C2CD3: variants seen among roughly 807,000 people sequenced by gnomAD.
C2CD3 encodes the protein C2 domain-containing protein 3.
A neutral mutation model predicts 234.0 loss-of-function variants in C2CD3; 148 were observed. The ratio of observed to expected loss-of-function variants is 0.63; its 90% CI spans 0.55 to 0.72. The LOEUF is 0.72. C2CD3 is among the 30% of genes least tolerant of loss of function. The pLI, the probability that C2CD3 is intolerant of heterozygous loss-of-function variation, is 0.00. For synonymous variants in C2CD3, 1,000 were observed against 1,035.4 expected (o/e 0.97, Z 0.66); for missense variants, 2,577 against 2,811.5 (o/e 0.92, Z 1.89).
intron 7 of C2CD3, among the ~76,000 whole-genome samples, chr11:74,124,009 G>A (rs1044626893): frequency 6.6e-6 from 1 of 152,062 alleles, no homozygotes; most frequent in Non-Finnish European, 1.5e-5. Flanking sequence ...GGGATTACTG[G>A]TCCCTTTTTT....
intron 28 of C2CD3, among the ~76,000 whole-genome samples, chr11:74,047,086 G>A (rs573566273): frequency 6.6e-5 from 10 of 152,338 alleles, no homozygotes; most frequent in Admixed American, 2.0e-4. Flanking sequence ...CATGTAACTA[G>A]TAAGTGGTAA....
At position 74,034,274 on chromosome 11, in the gene C2CD3, C is replaced by T. The variant is rs929612760; in HGVS notation, c.5886G>A (p.Leu1962=). ...CTTGCGAATCCCTGGTGATAGTCTG[C>T]AGATCTGAACAGCAACACATATCAC... is the stretch of plus-strand genomic sequence containing the variant. ...VLQVSSLITD[L]QTITRDSQAA... is the part of the protein sequence containing the mutation. Residue 1962 remains leucine (L), a synonymous_variant, in exon 31 of 33, where the codon CTG becomes CTA. Transcript: ENST00000334126. 8 of 1,534,040 alleles carry T rather than the reference C, an allele frequency of 5.2e-6. No homozygotes were observed. The highest frequency in any genetic ancestry group is 2.0e-5 in the Admixed American group (1 of 50,890).
intron 32 of C2CD3, 61 bp downstream of exon 32, chr11:74,028,226 C>T (rs1952382712): frequency 8.1e-7 from 1 of 1,231,130 alleles, no homozygotes; most frequent in Admixed American, 2.1e-5. Context: ...GCATTCTGTG[C>T]ACACTTCTGT....
intron 31 of C2CD3, among the ~76,000 whole-genome samples, chr11:74,031,585 T>G (rs1200271359): frequency 6.6e-6 from 1 of 152,198 alleles, no homozygotes; most frequent in Non-Finnish European, 1.5e-5. Flanking sequence ...ATCACAGTAC[T>G]TGGCACAATA....
At chr11:74,066,865 A>G (rs1954565523) in intron 24 of C2CD3, among the ~76,000 whole-genome samples, 1 of 152,204 alleles carries the variant, frequency 6.6e-6, no homozygotes, top group Admixed American at 6.5e-5. Context: ...AGAAGAGTAA[A>G]CATTAAACTC....
chr11:74,117,806 G>A (rs954394735), intron 9 of C2CD3, among the ~76,000 whole-genome samples: 2 of 151,916 alleles, frequency 1.3e-5, no homozygotes, highest in East Asian at 3.9e-4. Context: ...CTAGCTACTC[G>A]GGAGGCTGAG....
At chr11:74,103,800 A>G (rs1312226811) in intron 13 of C2CD3, among the ~76,000 whole-genome samples, 175 bp from the exon 14 acceptor site, 1 of 152,198 alleles carries the variant, frequency 6.6e-6, no homozygotes, top group Non-Finnish European at 1.5e-5. Context: ...ACTAAGAAAA[A>G]CTAGACAGAT....
intron 31 of C2CD3, among the ~76,000 whole-genome samples, chr11:74,033,006 CTT>C (rs1952586271): frequency 6.6e-6 from 1 of 152,154 alleles, no homozygotes; most frequent in African/African-American, 2.4e-5. Context: ...TTTCTTTCCT[CTT>C]TCTCTAGACC....
Position 74,138,960 on chromosome 11 carries a change from C to A in C2CD3, c.715G>T (p.Asp239Tyr). 6.2e-7 allele frequency: 1 copy of A among 1,606,382 alleles called. No homozygotes were observed. Residue 239 changes from aspartate (D) to tyrosine (Y), a missense_variant, in exon 5 of 33, where the codon GAC becomes TAC. Coordinates refer to ENST00000334126, the MANE Select transcript of C2CD3 (RefSeq NM_001286577.2). ...GGGTTCTCTGCAAAGCATACATGGT[C>A]TTTTCCCCTGTTTTTTTAAAAAGGG... ...SSRSTTPRGK[D>Y]HVCFAENPDT...
At chr11:74,162,055 A>G (rs959807859) in intron 2 of C2CD3, among the ~76,000 whole-genome samples, 1 of 152,066 alleles carries the variant, frequency 6.6e-6, no homozygotes, top group African/African-American at 2.4e-5. Context: ...GCCTCAAGTG[A>G]TCCCCTGATC....
chr11:74,049,363 G>A lies in C2CD3; in HGVS notation c.5335C>T (p.Arg1779Cys), dbSNP rs752547363. The change falls in exon 27 of 33, where the codon CGT (arginine) becomes TGT (cysteine). Residue 1779 changes from arginine to cysteine, a missense_variant. Coordinates refer to ENST00000334126, the MANE Select transcript of C2CD3 (RefSeq NM_001286577.2). ...AGTGATTTTGAGGTCTCCACTCCAC[G>A]CCTTGCTTGCCTTTCTTCTTTGAAG... Reference protein sequence around the residue: ...IHFKEERQARRGVETSKSLIP... With the variant: ...IHFKEERQARCGVETSKSLIP... The A allele has an allele frequency of 1.2e-6, 2 of 1,613,956 alleles. No individual in the cohort carries two copies. The highest frequency in any genetic ancestry group is 1.7e-5 in the Admixed American group (1 of 59,998).
rs368086138 is a variant in C2CD3, at chr11:74,103,618, A to G, written c.2093T>C (p.Met698Thr). 14 of 1,607,718 alleles carry G rather than the reference A, an allele frequency of 8.7e-6. No homozygotes were observed. Among genetic ancestry groups the G allele is most frequent in the Non-Finnish European group, 1.2e-5 (14 of 1,177,560 alleles). ...ATCTTTGTTATCTGTAATAAGCTCC[A>G]TGGTTACCTGTAAAACACAAAAGGA... is the stretch of plus-strand genomic sequence containing the variant. ...QSPFGPLKVT[M>T]ELITDNKDFT... Residue 698 changes from methionine to threonine, a missense_variant, in exon 14 of 33, where the codon ATG becomes ACG. Coordinates refer to ENST00000334126, the MANE Select transcript of C2CD3 (RefSeq NM_001286577.2).
At chr11:74,038,144 T>C (rs534853404) in intron 29 of C2CD3, among the ~76,000 whole-genome samples, 1 of 152,326 alleles carries the variant, frequency 6.6e-6, no homozygotes, top group African/African-American at 2.4e-5. Context: ...CTGTGCTCCA[T>C]AGTTCTTTCT....
chr11:74,129,437 G>C, intron 7 of C2CD3: 1 of 179,984 alleles, frequency 5.6e-6, no homozygotes, highest in Non-Finnish European at 1.2e-5. Context: ...ATCCCAGACG[G>C]GGCGGCGGGG....
intron 22 of C2CD3, among the ~76,000 whole-genome samples, chr11:74,080,576 G>C (rs750701952): frequency 8.5e-5 from 13 of 152,280 alleles, no homozygotes; most frequent in African/African-American, 1.4e-4. Flanking sequence ...TTAGCTTTGC[G>C]ATTCTATAAT....
intron 7 of C2CD3, among the ~76,000 whole-genome samples, chr11:74,125,070 G>C (rs1957364154): frequency 6.6e-6 from 1 of 152,100 alleles, no homozygotes. Context: ...CGACTACAAG[G>C]CTTATAATAA....
chr11:74,121,432 G>A (rs1299641770), intron 8 of C2CD3, among the ~76,000 whole-genome samples: 3 of 151,594 alleles, frequency 2.0e-5, no homozygotes, highest in Admixed American at 6.6e-5. Flanking sequence ...CATGGTGAAG[G>A]CCTGTCTCTA....
At chr11:74,119,332 T>C (rs987634021) in intron 8 of C2CD3, among the ~76,000 whole-genome samples, 4 of 152,186 alleles carry the variant, frequency 2.6e-5, no homozygotes, top group African/African-American at 9.7e-5. Flanking sequence ...CTAAGCCCCT[T>C]GCAATTCATT....
chr11:74,101,993 T>C (rs1211112520), intron 14 of C2CD3, among the ~76,000 whole-genome samples: 1 of 152,022 alleles, frequency 6.6e-6, no homozygotes, highest in Non-Finnish European at 1.5e-5. Context: ...AAGGAGGCAA[T>C]GGACATAAAG....
Sources: allele counts gnomAD v4.1 joint callset (sites outside exome capture counted in the v4.1 genomes callset), GRCh38; gene constraint gnomAD v4.1.1; transcripts MANE v1.5; gene names NCBI Gene and HGNC (gene_info 2026-07-23, HGNC 2026-07-21).